Variants in CREB5 observed in about 807,000 individuals in gnomAD.
CREB5 encodes the protein cyclic AMP-responsive element-binding protein 5.
In CREB5, 19 loss-of-function variants were observed where a neutral mutation model predicts 57.1. That is an observed-to-expected ratio of 0.33 (90% CI 0.23 to 0.49). The LOEUF (loss-of-function observed/expected upper bound fraction) is 0.49, where lower values mean the gene tolerates loss of function less well. Ranked by LOEUF, CREB5 falls within the 20% of genes least tolerant of loss-of-function variation. CREB5 has a pLI of 0.99. For missense variants in CREB5, 579 were observed against 671.6 expected (o/e 0.86, Z 1.52); for synonymous variants, 238 against 238.3 (o/e 1.00, Z 0.01).
chr7:28,372,154 C>G (rs1207209423), intron 1 of CREB5, among the ~76,000 whole-genome samples: 1 of 152,174 alleles, frequency 6.6e-6, no homozygotes, highest in Admixed American at 6.5e-5. Context: ...CACGGCAACT[C>G]TCTGCCCTCA....
intron 5 of CREB5, among the ~76,000 whole-genome samples, chr7:28,617,442 G>A (rs1797633087): frequency 6.6e-6 from 1 of 152,212 alleles, no homozygotes. Context: ...ATTCCACTGT[G>A]GGTGTGTTCA....
intron 1 of CREB5, 94 bp from the exon 2 acceptor site, chr7:28,488,081 C>T (rs1791646579): frequency 9.4e-7 from 1 of 1,065,702 alleles, no homozygotes; most frequent in Admixed American, 1.8e-5. Flanking sequence ...AGAAAGGGGG[C>T]TCTGAGTGAT....
chr7:28,559,541 C>T (rs1369100655), intron 4 of CREB5, among the ~76,000 whole-genome samples: 1 of 151,870 alleles, frequency 6.6e-6, no homozygotes, highest in Non-Finnish European at 1.5e-5. Context: ...TTGCAAACTC[C>T]TGAGCTCAGG....
intron 5 of CREB5, among the ~76,000 whole-genome samples, chr7:28,634,053 T>C (rs1210834179): frequency 6.6e-6 from 1 of 152,188 alleles, no homozygotes; most frequent in African/African-American, 2.4e-5. Flanking sequence ...ACGGAGATAA[T>C]TGATAACCAT....
At chr7:28,759,911 A>T (rs1331470863) in intron 7 of CREB5, among the ~76,000 whole-genome samples, 1 of 152,246 alleles carries the variant, frequency 6.6e-6, no homozygotes, top group Non-Finnish European at 1.5e-5. Flanking sequence ...TTGCCAATTC[A>T]CATCACTAAT....
At chr7:28,489,245 T>C (rs1443171122) in intron 2 of CREB5, among the ~76,000 whole-genome samples, 1 of 151,666 alleles carries the variant, frequency 6.6e-6, no homozygotes, top group Non-Finnish European at 1.5e-5. Flanking sequence ...CATGGAGCAA[T>C]GCTTAGCAGT....
chr7:28,535,485 T>A (rs1213514277), intron 4 of CREB5, among the ~76,000 whole-genome samples: 1 of 142,500 alleles, frequency 7.0e-6, no homozygotes, highest in Non-Finnish European at 1.6e-5. Context: ...TTTCCTTCTC[T>A]TCATCTCGAC....
chr7:28,363,807 C>T (rs1390118539), intron 1 of CREB5, among the ~76,000 whole-genome samples: 1 of 152,172 alleles, frequency 6.6e-6, no homozygotes, highest in African/African-American at 2.4e-5. Context: ...CTCTCTGAAA[C>T]CCTTTGTTCT....
At chr7:28,600,453 G>A (rs1796873234) in intron 5 of CREB5, among the ~76,000 whole-genome samples, 1 of 152,112 alleles carries the variant, frequency 6.6e-6, no homozygotes. Flanking sequence ...TCCTTTTTGG[G>A]AGAAAACTCG....
intron 4 of CREB5, among the ~76,000 whole-genome samples, chr7:28,549,612 C>A (rs1794545341): frequency 6.6e-6 from 1 of 152,192 alleles, no homozygotes; most frequent in African/African-American, 2.4e-5. Flanking sequence ...TGTTCACAGC[C>A]TGCTGTTTCC....
rs34533813 is a variant in CREB5, at chr7:28,543,578, TAAAAAA to T, written c.292-26769_292-26764del. The stretch of plus-strand genomic sequence containing the variant: ...TCTGTCTTTCAAATATCATTTTAGG[TAAAAAA>T]AAAAAAAAAAAAAAAAAGTGTGAGT... On this transcript the variant is annotated intron_variant, in intron 4 of 10. Coordinates refer to ENST00000357727, the MANE Select transcript of CREB5 (RefSeq NM_182898.4). Among the ~76,000 whole-genome samples, 7 of 92,354 alleles carry T rather than the reference TAAAAAA, an allele frequency of 7.6e-5. No homozygotes were observed. The Admixed American group carries it at 7.6e-4, about 10-fold the overall frequency. 60.6% of individuals were successfully genotyped at this position (92,354 alleles called of 152,430 possible).
chr7:28,680,962 T>G (rs1259905518), intron 5 of CREB5, among the ~76,000 whole-genome samples: 2 of 152,068 alleles, frequency 1.3e-5, no homozygotes, highest in Non-Finnish European at 2.9e-5. Flanking sequence ...AGGAGAATAT[T>G]TAGCTGCTCT....
intron 5 of CREB5, among the ~76,000 whole-genome samples, chr7:28,637,428 A>G (rs1246671881): frequency 2.6e-5 from 4 of 152,200 alleles, no homozygotes; most frequent in African/African-American, 9.7e-5. Context: ...AATGGCTGAT[A>G]AAAAACAAGA....
intron 1 of CREB5, among the ~76,000 whole-genome samples, chr7:28,346,001 G>T (rs1052179850): frequency 6.6e-6 from 1 of 152,154 alleles, no homozygotes; most frequent in Non-Finnish European, 1.5e-5. Flanking sequence ...TTCAGACACA[G>T]ATACCACATT....
At chr7:28,438,484 TATTG>T (rs1375702618) in intron 1 of CREB5, among the ~76,000 whole-genome samples, 4 of 152,124 alleles carry the variant, frequency 2.6e-5, no homozygotes, top group African/African-American at 9.7e-5. Context: ...ACCTGATAAG[TATTG>T]ATTAATTCAT....
chr7:28,445,649 T>C (rs1040038472), intron 1 of CREB5, among the ~76,000 whole-genome samples: 5 of 152,040 alleles, frequency 3.3e-5, no homozygotes, highest in African/African-American at 1.2e-4. Context: ...CCTCCCAGGT[T>C]CACGCCATTC....
intron 7 of CREB5, among the ~76,000 whole-genome samples, chr7:28,785,595 A>G (rs1807275848): frequency 6.6e-6 from 1 of 152,210 alleles, no homozygotes. Context: ...CTATCAGGCA[A>G]AACTTGAGAC....
chr7:28,363,654 C>T (rs2127992562), intron 1 of CREB5, among the ~76,000 whole-genome samples: 1 of 151,860 alleles, frequency 6.6e-6, no homozygotes, highest in African/African-American at 2.4e-5. Flanking sequence ...ATTTTTGTAT[C>T]CTCCTTATTC....
At chr7:28,716,473 G>A (rs1802692548) in intron 5 of CREB5, among the ~76,000 whole-genome samples, 1 of 152,190 alleles carries the variant, frequency 6.6e-6, no homozygotes, top group African/African-American at 2.4e-5. Context: ...GTGTATAGCT[G>A]TATTGTGTAC....
Sources: gnomAD v4.1 joint callset for allele counts (sites outside exome capture counted in the v4.1 genomes callset) on GRCh38, gnomAD v4.1.1 for gene constraint, MANE v1.5 for transcripts, NCBI Gene and HGNC (gene_info 2026-07-23, HGNC 2026-07-21) for gene names.